ENPP2: variants seen among roughly 807,000 people sequenced by gnomAD.
ENPP2 encodes the protein autotaxin.
A neutral mutation model predicts 120.2 loss-of-function variants in ENPP2; 51 were observed. That is an observed-to-expected ratio of 0.42 (90% CI 0.34 to 0.54). ENPP2 has a LOEUF of 0.54. Among genes scored for constraint, ENPP2 ranks in the 20% least tolerant of loss-of-function variants. The pLI is 0.04. For synonymous variants in ENPP2, 365 were observed against 366.4 expected, an observed-to-expected ratio of 1.00 and a Z score of 0.04; for missense variants, 920 against 1,066.5, an observed-to-expected ratio of 0.86 and a Z score of 1.91.
At chr8:119,572,986 T>A (rs75910611) in intron 19 of ENPP2, 1 of 152,252 alleles carries the variant, frequency 6.6e-6, no homozygotes, top group African/African-American at 2.4e-5. Flanking sequence ...TTTATGCCTG[T>A]TGCCCTGGTA....
intron 19 of ENPP2, chr8:119,572,134 C>T: frequency 8.9e-7 from 1 of 1,118,990 alleles, no homozygotes; most frequent in Non-Finnish European, 1.3e-6. Flanking sequence ...TACTTAGGGG[C>T]AGTAAAACAA....
rs548625913 is a variant in ENPP2 at position 119,620,982 on chromosome 8, G to A, written c.418+412C>T. On this transcript the variant is annotated intron_variant, in intron 4 of 24. Transcript: ENST00000075322. Reference sequence around the variant, plus strand: ...TAGAGGGAGGCGAGGCTAACTGAGAGCATGTCCTCACTTGTCTCTCCACAC... The same window carrying A: ...TAGAGGGAGGCGAGGCTAACTGAGAACATGTCCTCACTTGTCTCTCCACAC... Among the ~76,000 whole-genome samples the A allele has an allele frequency of 3.3e-5, 5 of 152,226 alleles. No individual in the cohort carries two copies. In the South Asian group the frequency reaches 8.3e-4, roughly 25 times the overall value.
intron 9 of ENPP2, among the ~76,000 whole-genome samples, chr8:119,603,447 G>A (rs1814458912): frequency 1.3e-5 from 2 of 152,168 alleles, no homozygotes; most frequent in Non-Finnish European, 2.9e-5. Context: ...AACAATGGTA[G>A]ACGGGGAATT....
At chr8:119,574,333 G>A (rs1812186435) in intron 19 of ENPP2, among the ~76,000 whole-genome samples, 1 of 151,314 alleles carries the variant, frequency 6.6e-6, no homozygotes, top group Non-Finnish European at 1.5e-5. Flanking sequence ...AGCAACCCTG[G>A]AGACTAGCCT....
rs375532643 is a variant in ENPP2, at chr8:119,673,283, T to A, written c.-11A>T. ...GGCGTGGCGGGTCATGCTGCGGGAG[T>A]CTCGGCGTCTGTTCCTGCCCGGGCG... On this transcript the variant is annotated 5_prime_UTR_variant, in exon 1 of 26. Coordinates refer to the ENPP2 transcript ENST00000427067. 1.4e-5 allele frequency: 22 copies of A among 1,534,596 alleles called. No homozygotes were observed. The East Asian group carries it at 4.2e-4, about 29-fold the overall frequency.
At chr8:119,595,306 T>C (rs2130493076) in intron 11 of ENPP2, among the ~76,000 whole-genome samples, 1 of 152,360 alleles carries the variant, frequency 6.6e-6, no homozygotes, top group South Asian at 2.1e-4. Flanking sequence ...CTTCTGAACA[T>C]ACTGGGAAGA....
At chr8:119,569,476 G>T in intron 20 of ENPP2, 106 bp from the exon 21 acceptor site, 2 of 1,022,202 alleles carry the variant, frequency 2.0e-6, no homozygotes, top group East Asian at 2.8e-5. Context: ...TTGATAGTCT[G>T]ACTCCTTTTT....
At chr8:119,580,043 T>A in intron 19 of ENPP2, 73 bp downstream of exon 19, 1 of 984,244 alleles carries the variant, frequency 1.0e-6, no homozygotes, top group Non-Finnish European at 1.6e-6. Context: ...TACACTATAA[T>A]GTAAATAAGA....
In ENPP2 at chr8:119,626,609, T is replaced by G. The variant is rs1171923706; in HGVS notation, c.248A>C (p.Tyr83Ser). 1 of 1,614,094 alleles carries G rather than the reference T, an allele frequency of 6.2e-7. No homozygotes were observed. The change falls in exon 3 of 25, where the codon TAT (tyrosine) becomes TCT (serine). Residue 83 changes from tyrosine to serine, a missense_variant. Transcript: ENST00000075322. ...ATCAAAGTCATGGCAGCAACTGGTA[T>G]AGCTCTTACACAAGTTGTCACAGCG... ...DCRCDNLCKS[Y>S]TSCCHDFDEL...
chr8:119,657,197 T>A (rs1367892773), intron 1 of ENPP2, among the ~76,000 whole-genome samples: 1 of 152,172 alleles, frequency 6.6e-6, no homozygotes. Context: ...AGTGCTGGGA[T>A]CACAGGCATG....
intron 12 of ENPP2, among the ~76,000 whole-genome samples, chr8:119,593,448 G>T (rs1179317960): frequency 6.6e-6 from 1 of 151,878 alleles, no homozygotes; most frequent in Non-Finnish European, 1.5e-5. Flanking sequence ...CACAGAAGAA[G>T]CTATTAATGT....
intron 11 of ENPP2, among the ~76,000 whole-genome samples, chr8:119,594,672 C>A (rs1813763870): frequency 6.6e-6 from 1 of 152,188 alleles, no homozygotes; most frequent in Non-Finnish European, 1.5e-5. Context: ...GCTCTCCATC[C>A]CCCTTTCATC....
At chr8:119,649,164 T>G (rs1587571160) in intron 1 of ENPP2, among the ~76,000 whole-genome samples, 2 of 146,576 alleles carry the variant, frequency 1.4e-5, no homozygotes, top group African/African-American at 5.1e-5. Context: ...GAGGCGGAGG[T>G]GGGCGGATCA....
intron 1 of ENPP2, among the ~76,000 whole-genome samples, chr8:119,670,202 C>T (rs1818200471): frequency 6.6e-6 from 1 of 152,178 alleles, no homozygotes. Context: ...ATAGGAGAAG[C>T]CCACCTGTTG....
At chr8:119,591,045 TG>T (rs1813473390) in intron 12 of ENPP2, among the ~76,000 whole-genome samples, 1 of 146,388 alleles carries the variant, frequency 6.8e-6, no homozygotes, top group African/African-American at 2.5e-5. Flanking sequence ...TCTTCCCAGC[TG>T]GGGGTGGTAT....
intron 19 of ENPP2, among the ~76,000 whole-genome samples, chr8:119,578,699 A>T (rs1812516967): frequency 6.6e-6 from 1 of 152,214 alleles, no homozygotes; most frequent in Non-Finnish European, 1.5e-5. Flanking sequence ...CGAACATTGC[A>T]AATCACTTGT....
chr8:119,590,410 AT>A (rs2130427957), intron 13 of ENPP2, 94 bp downstream of exon 13: 1 of 1,038,268 alleles, frequency 9.6e-7, no homozygotes, highest in Admixed American at 3.2e-5. Flanking sequence ...CAGAGCCAGA[AT>A]TTTTACCCAA....
chr8:119,625,687 T>C (rs1006041382), intron 3 of ENPP2, among the ~76,000 whole-genome samples: 1 of 152,188 alleles, frequency 6.6e-6, no homozygotes, highest in African/African-American at 2.4e-5. Context: ...AGTTTGTGTA[T>C]GGTGTTGTCC....
At chr8:119,592,352 A>C (rs1813565705) in intron 12 of ENPP2, among the ~76,000 whole-genome samples, 1 of 151,926 alleles carries the variant, frequency 6.6e-6, no homozygotes, top group African/African-American at 2.4e-5. Flanking sequence ...AGGTGCCTGT[A>C]ATCCCAGCTA....
Sources: allele counts gnomAD v4.1 joint callset (sites outside exome capture counted in the v4.1 genomes callset), GRCh38; gene constraint gnomAD v4.1.1; transcripts MANE v1.5; gene names NCBI Gene and HGNC (gene_info 2026-07-23, HGNC 2026-07-21).